The following RPL5 variants were observed in gnomAD, a reference collection of about 807,000 sequenced individuals.
The protein encoded by RPL5 is large ribosomal subunit protein uL18.
Under a neutral mutation model 38.4 loss-of-function variants are expected in RPL5, and 1 was observed. The observed-to-expected ratio is 0.03, with a 90% CI of 0.01 to 0.12. The LOEUF (loss-of-function observed/expected upper bound fraction) is 0.12. Ranked by LOEUF, RPL5 falls within the 10% of genes least tolerant of loss-of-function variation. The pLI, the probability that RPL5 is intolerant of heterozygous loss-of-function variation, is 1.00. For synonymous variants in RPL5, 109 were observed against 121.2 expected (o/e 0.90, Z 0.66); for missense variants, 243 against 374.1 (o/e 0.65, Z 2.89).
Position 92,833,678 on chromosome 1 carries a change from C to G in RPL5, c.189+18C>G. 1 of 1,584,638 alleles carries G rather than the reference C, an allele frequency of 6.3e-7. No individual in the cohort carries two copies. Among genetic ancestry groups the G allele is most frequent in the African/African-American group, 1.3e-5 (1 of 74,396 alleles). ...TTTGTCAGGTAAGTTGTATTCTAGA[C>G]AGTCCCCTTTTTTTATTGCTAGAGA... On this transcript the variant is annotated intron_variant, in intron 3 of 7. Transcript: ENST00000370321.
At position 92,834,888 on chromosome 1, in the gene RPL5, G is replaced by A. The variant is rs984455678; in HGVS notation, c.299G>A (p.Cys100Tyr). 2 of 1,602,744 alleles carry A rather than the reference G, an allele frequency of 1.2e-6. No individual in the cohort carries two copies. The highest frequency in any genetic ancestry group is 1.7e-6 in the Non-Finnish European group (2 of 1,179,972). ...CTGACAAATTATGCTGCAGCATATT[G>A]TACTGGCCTGCTGCTGGCCCGCAGG... Reference protein sequence around the residue: ...VGLTNYAAAYCTGLLLARRLL... With the variant: ...VGLTNYAAAYYTGLLLARRLL... The change falls in exon 4 of 8, where the codon TGT becomes TAT. Residue 100 changes from cysteine to tyrosine, a missense_variant. Cys to Tyr is a radical substitution (Grantham distance 194). Coordinates refer to ENST00000370321, the MANE Select transcript of RPL5 (RefSeq NM_000969.5).
At chr1:92,833,831 T>C in intron 3 of RPL5, 171 bp downstream of exon 3, 1 of 620,384 alleles carries the variant, frequency 1.6e-6, no homozygotes, top group East Asian at 2.8e-5. Context: ...CTTGGTACTT[T>C]AAAAAATGCT....
intron 1 of RPL5, 87 bp from the exon 2 acceptor site, chr1:92,833,302 A>G (rs1390774797): frequency 3.7e-6 from 4 of 1,080,484 alleles, no homozygotes; most frequent in Non-Finnish European, 5.7e-6. Context: ...TTGAAGTTCA[A>G]GTGTTACTTT....
At chr1:92,832,302 G>C (rs942929982) in intron 1 of RPL5, 185 bp downstream of exon 1, 4 of 894,000 alleles carry the variant, frequency 4.5e-6, no homozygotes, top group South Asian at 1.4e-5. Flanking sequence ...GCGCGAACTT[G>C]GGGGGAGGGG....
intron 6 of RPL5, among the ~76,000 whole-genome samples, chr1:92,839,500 C>T (rs1450171920): frequency 6.6e-6 from 1 of 152,010 alleles, no homozygotes; most frequent in East Asian, 1.9e-4. Flanking sequence ...AAGAGAGGTC[C>T]TTGGTACATA....
intron 7 of RPL5, 24 bp from the exon 8 acceptor site, chr1:92,841,742 A>G: frequency 6.6e-7 from 1 of 1,513,168 alleles, no homozygotes; most frequent in Middle Eastern, 2.4e-4. Flanking sequence ...TAGTTTAAAA[A>G]ATATATATTC....
At chr1:92,832,915 T>C (rs1231962891) in intron 1 of RPL5, 9 of 676,110 alleles carry the variant, frequency 1.3e-5, no homozygotes, top group East Asian at 5.4e-5. Context: ...GTAGTTGTTA[T>C]TTGAGGCTAG....
chr1:92,836,471 C>T (rs985053943), intron 5 of RPL5, 79 bp downstream of exon 5: 13 of 1,307,378 alleles, frequency 9.9e-6, no homozygotes, highest in African/African-American at 1.5e-5. Flanking sequence ...TGGAGATAAC[C>T]GAATTAAAGT....
At chr1:92,831,997 T>A (rs553391857), upstream of RPL5, 36 of 1,507,138 alleles carry the variant, frequency 2.4e-5, no homozygotes, top group Non-Finnish European at 3.2e-5. Context: ...GTCACTGGCG[T>A]GACCGTCCGC....
intron 1 of RPL5, chr1:92,832,697 C>T (rs1354489714): frequency 5.3e-6 from 2 of 380,256 alleles, no homozygotes; most frequent in Non-Finnish European, 9.5e-6. Context: ...ATACGTGCCT[C>T]CTGCCTCTTC....
intron 6 of RPL5, among the ~76,000 whole-genome samples, chr1:92,839,738 T>A (rs900417145): frequency 6.6e-6 from 1 of 152,228 alleles, no homozygotes. Flanking sequence ...GTATTTAAAA[T>A]GAGAAGCGCA....
rs1402459095 is a variant in RPL5 at position 92,832,054 on chromosome 1, C to G, written c.-61C>G. 6.2e-6 allele frequency: 10 copies of G among 1,610,774 alleles called. No individual in the cohort carries two copies. In the East Asian group the frequency reaches 8.9e-5, roughly 14 times the overall value. On this transcript the variant is annotated 5_prime_UTR_variant, in exon 1 of 8. Coordinates refer to ENST00000370321, the MANE Select transcript of RPL5 (RefSeq NM_000969.5). ...AGGGCTGTGGCCCTTTTCCCACCCCCTAGCGCCGCTGGGCCTGCAGGTCTC... is the reference window on the plus strand; with the variant it reads ...AGGGCTGTGGCCCTTTTCCCACCCCGTAGCGCCGCTGGGCCTGCAGGTCTC...
intron 1 of RPL5, 41 bp from the exon 2 acceptor site, chr1:92,833,348 C>T: frequency 6.8e-7 from 1 of 1,481,060 alleles, no homozygotes; most frequent in Non-Finnish European, 9.4e-7. Flanking sequence ...GTATCATAGG[C>T]TAAGACATCA....
chr1:92,836,055 C>G, intron 4 of RPL5, 135 bp from the exon 5 acceptor site: 1 of 749,618 alleles, frequency 1.3e-6, no homozygotes, highest in South Asian at 1.5e-5. Flanking sequence ...GCAAGTGGAT[C>G]TGGTGAAAGG....
At chr1:92,840,042 TGAG>T (rs1176506633) in intron 6 of RPL5, among the ~76,000 whole-genome samples, 5 of 150,968 alleles carry the variant, frequency 3.3e-5, no homozygotes, top group Non-Finnish European at 7.4e-5. Context: ...TTGGTAGAGA[TGAG>T]GTCTCATTCT....
intron 3 of RPL5, 143 bp from the exon 4 acceptor site, chr1:92,834,636 G>T: frequency 1.9e-6 from 2 of 1,080,502 alleles, no homozygotes; most frequent in East Asian, 5.0e-5. Flanking sequence ...CTAATTTACT[G>T]GTAACCCAGC....
chr1:92,841,803 G>A lies in RPL5; in HGVS notation c.832G>A (p.Asp278Asn), dbSNP rs764283613. The A allele has an allele frequency of 4.3e-6, 7 of 1,611,608 alleles. No individual in the cohort carries two copies. Among genetic ancestry groups the A allele is most frequent in the Non-Finnish European group, 5.9e-6 (7 of 1,179,754 alleles). The part of the protein sequence containing the change: ...RPKMSLAQKK[D>N]RVAQKKASFL... Reference sequence around the variant, plus strand: ...CAAAATGTCCCTTGCTCAGAAGAAGGATCGGGTAGCTCAAAAGAAGGCAAG... The same window carrying A: ...CAAAATGTCCCTTGCTCAGAAGAAGAATCGGGTAGCTCAAAAGAAGGCAAG... The change falls in exon 8 of 8, where the codon GAT (aspartate) becomes AAT (asparagine). Residue 278 changes from aspartate to asparagine, a missense_variant. Physicochemically the swap from Asp to Asn is conservative, Grantham distance 23. Transcript: ENST00000370321.
rs1435009501 is a variant in RPL5, at chr1:92,834,825, A to T, written c.236A>T (p.Tyr79Phe). 2 of 1,612,092 alleles carry T rather than the reference A, an allele frequency of 1.2e-6. No individual in the cohort carries two copies. Among genetic ancestry groups the T allele is most frequent in the Non-Finnish European group, 1.7e-6 (2 of 1,179,948 alleles). The change falls in exon 4 of 8, where the codon TAT (tyrosine) becomes TTT (phenylalanine). Residue 79 changes from tyrosine (Y) to phenylalanine (F), a missense_variant. Coordinates refer to ENST00000370321, the MANE Select transcript of RPL5 (RefSeq NM_000969.5). The part of the protein sequence containing the change: ...IEGDMIVCAA[Y>F]AHELPKYGVK... ...GGGGATATGATAGTCTGCGCAGCGT[A>T]TGCACACGAACTGCCAAAATATGGT... is the stretch of plus-strand genomic sequence containing the variant.
intron 1 of RPL5, chr1:92,832,845 A>G: frequency 1.6e-6 from 1 of 606,970 alleles, no homozygotes. Flanking sequence ...TGCCCAGTTA[A>G]GCTTTGTGGC....
Sources: gnomAD v4.1 joint callset for allele counts (sites outside exome capture counted in the v4.1 genomes callset) on GRCh38, gnomAD v4.1.1 for gene constraint, MANE v1.5 for transcripts, NCBI Gene and HGNC (gene_info 2026-07-23, HGNC 2026-07-21) for gene names.